The following CNTNAP2 variants were observed in gnomAD, a reference collection of about 807,000 sequenced individuals.
CNTNAP2 encodes the protein contactin-associated protein-like 2.
CNTNAP2 carries 98 observed loss-of-function variants against 155.2 expected under a neutral mutation model. That is an observed-to-expected ratio of 0.63 (90% CI 0.54 to 0.75). CNTNAP2 has a LOEUF of 0.75. CNTNAP2 is among the 30% of genes least tolerant of loss of function. CNTNAP2 has a pLI of 0.00. For synonymous variants in CNTNAP2, 651 were observed against 631.2 expected (o/e 1.03, Z -0.47); for missense variants, 1,727 against 1,688.1 (o/e 1.02, Z -0.40).
At chr7:146,712,321 C>G (rs1385793285) in intron 1 of CNTNAP2, among the ~76,000 whole-genome samples, 188 of 126,166 alleles carry the variant, frequency 1.5e-3, no homozygotes, top group African/African-American at 6.1e-3. Context: ...GTATACATAT[C>G]TTATGTATAC....
chr7:147,555,378 T>A (rs1799932978), intron 11 of CNTNAP2, among the ~76,000 whole-genome samples: 1 of 152,090 alleles, frequency 6.6e-6, no homozygotes, highest in South Asian at 2.1e-4. Flanking sequence ...AGAAAACCAA[T>A]CCCTCATTTT....
intron 10 of CNTNAP2, among the ~76,000 whole-genome samples, chr7:147,458,077 A>C (rs1281925624): frequency 6.6e-6 from 1 of 152,116 alleles, no homozygotes; most frequent in Non-Finnish European, 1.5e-5. Context: ...TTAAACATTA[A>C]ATAATGGTGA....
chr7:147,136,176 T>C (rs1367377873), intron 8 of CNTNAP2, among the ~76,000 whole-genome samples: 1 of 151,910 alleles, frequency 6.6e-6, no homozygotes, highest in Admixed American at 6.6e-5. Context: ...TTTATTATAG[T>C]GGGGAGAAAG....
At chr7:147,850,794 TG>T in intron 13 of CNTNAP2, among the ~76,000 whole-genome samples, 2 of 152,174 alleles carry the variant, frequency 1.3e-5, no homozygotes, top group East Asian at 3.9e-4. Flanking sequence ...AAGACTTAAA[TG>T]TTAGACCTAA....
At chr7:146,661,883 A>G (rs1800096066) in intron 1 of CNTNAP2, among the ~76,000 whole-genome samples, 1 of 152,142 alleles carries the variant, frequency 6.6e-6, no homozygotes, top group African/African-American at 2.4e-5. Context: ...TTATGAGAAA[A>G]TAACAAACAT....
At chr7:147,866,063 GCTATAAATTTCCCT>G (rs1194516511) in intron 13 of CNTNAP2, among the ~76,000 whole-genome samples, 7 of 152,164 alleles carry the variant, frequency 4.6e-5, no homozygotes, top group Admixed American at 4.6e-4. Context: ...GGCATTTAGT[GCTATAAATTTCCCT>G]CTATACACTG....
intron 11 of CNTNAP2, among the ~76,000 whole-genome samples, chr7:147,548,065 CAT>C (rs1020776487): frequency 6.6e-6 from 1 of 152,064 alleles, no homozygotes; most frequent in Admixed American, 6.6e-5. Flanking sequence ...CTGCAGTAAA[CAT>C]GTGTGCATGT....
chr7:147,123,740 G>GA lies in CNTNAP2; in HGVS notation c.939+2583dup, dbSNP rs1185703109. Among the ~76,000 whole-genome samples the GA allele has an allele frequency of 5.9e-5, 9 of 152,132 alleles. No homozygotes were observed. In the South Asian group the frequency reaches 1.7e-3, roughly 28 times the overall value. ...GGGACTCCCTTTGCTTATTTGTTTA[G>GA]AAAAAACCTCAGGGACTGGGCCAGG... On this transcript the variant is annotated intron_variant, in intron 6 of 23. Coordinates refer to ENST00000361727, the MANE Select transcript of CNTNAP2 (RefSeq NM_014141.6).
intron 8 of CNTNAP2, among the ~76,000 whole-genome samples, chr7:147,296,177 G>A (rs949945297): frequency 1.3e-4 from 20 of 152,112 alleles, no homozygotes; most frequent in African/African-American, 3.6e-4. Context: ...CAAATATCAC[G>A]TTGATATCTT....
At chr7:147,480,938 C>T (rs2116627624) in intron 10 of CNTNAP2, among the ~76,000 whole-genome samples, 1 of 152,272 alleles carries the variant, frequency 6.6e-6, no homozygotes, top group Non-Finnish European at 1.5e-5. Flanking sequence ...TTCCTATGCA[C>T]ACAAAGGTTT....
chr7:147,543,564 T>C (rs1799676862), intron 11 of CNTNAP2, among the ~76,000 whole-genome samples: 1 of 152,200 alleles, frequency 6.6e-6, no homozygotes, highest in Non-Finnish European at 1.5e-5. Flanking sequence ...TGCATTCTCA[T>C]TCTTATTCTG....
At chr7:146,518,709 C>T (rs1258914990) in intron 1 of CNTNAP2, among the ~76,000 whole-genome samples, 4 of 151,760 alleles carry the variant, frequency 2.6e-5, no homozygotes, top group South Asian at 2.1e-4. Context: ...ACCTTAGATG[C>T]ATGCAACTCA....
In CNTNAP2 at chr7:146,305,270, C is replaced by T. The variant is rs182898645; in HGVS notation, c.97+188297C>T. Reference sequence around the variant, plus strand: ...GTTGCCAGTCGTCTGAAGCCTTCTTCTCTCAACTCGTCAAAGTCTTTCTCC... The same window carrying T: ...GTTGCCAGTCGTCTGAAGCCTTCTTTTCTCAACTCGTCAAAGTCTTTCTCC... On this transcript the variant is annotated intron_variant, in intron 1 of 23. Coordinates refer to ENST00000361727, the MANE Select transcript of CNTNAP2 (RefSeq NM_014141.6). Among the ~76,000 whole-genome samples the T allele has an allele frequency of 6.0e-3, 910 of 152,272 alleles. 10 individuals carry two copies. The highest frequency in any genetic ancestry group is 0.02 in the Middle Eastern group (6 of 294).
At chr7:147,251,657 T>G (rs536173732) in intron 8 of CNTNAP2, among the ~76,000 whole-genome samples, 5 of 152,128 alleles carry the variant, frequency 3.3e-5, no homozygotes, top group African/African-American at 1.2e-4. Flanking sequence ...GTGGACTTGG[T>G]CATGTCTGAC....
chr7:146,553,619 T>C (rs538661786), intron 1 of CNTNAP2, among the ~76,000 whole-genome samples: 1 of 152,230 alleles, frequency 6.6e-6, no homozygotes, highest in Non-Finnish European at 1.5e-5. Context: ...TTCATAAAAG[T>C]TGGACTAACA....
At chr7:147,344,717 G>A (rs1314029354) in intron 9 of CNTNAP2, among the ~76,000 whole-genome samples, 1 of 152,162 alleles carries the variant, frequency 6.6e-6, no homozygotes, top group African/African-American at 2.4e-5. Flanking sequence ...ACTTGTCTTA[G>A]TTCTTTAAAG....
At chr7:147,269,497 T>G (rs1378063679) in intron 8 of CNTNAP2, among the ~76,000 whole-genome samples, 1 of 152,156 alleles carries the variant, frequency 6.6e-6, no homozygotes, top group Non-Finnish European at 1.5e-5. Context: ...TAAATACATG[T>G]GCAACCGACT....
intron 1 of CNTNAP2, among the ~76,000 whole-genome samples, chr7:146,577,861 T>C (rs1265152963): frequency 1.3e-5 from 2 of 152,116 alleles, no homozygotes; most frequent in Non-Finnish European, 2.9e-5. Context: ...GTGAAGAGTT[T>C]GAAAAGTCAG....
At chr7:147,872,060 C>G (rs1799336629) in intron 13 of CNTNAP2, among the ~76,000 whole-genome samples, 1 of 152,194 alleles carries the variant, frequency 6.6e-6, no homozygotes, top group African/African-American at 2.4e-5. Context: ...AGAATCTACT[C>G]CTCCTTGGCC....
Sources: allele counts gnomAD v4.1 joint callset (sites outside exome capture counted in the v4.1 genomes callset), GRCh38; gene constraint gnomAD v4.1.1; transcripts MANE v1.5; gene names NCBI Gene and HGNC (gene_info 2026-07-23, HGNC 2026-07-21).